LRRC58: variants seen among roughly 807,000 people sequenced by gnomAD.
The protein encoded by LRRC58 is leucine-rich repeat-containing protein 58.
A neutral mutation model predicts 30.6 loss-of-function variants in LRRC58; 18 were observed. The observed-to-expected ratio is 0.59, with a 90% CI of 0.41 to 0.87. LRRC58 has a LOEUF of 0.87. Ranked by LOEUF, LRRC58 falls within the 40% of genes least tolerant of loss-of-function variation. The pLI, the probability that LRRC58 is intolerant of heterozygous loss-of-function variation, is 0.00. For missense variants in LRRC58, 420 were observed against 468.4 expected, an observed-to-expected ratio of 0.90 and a Z score of 0.95; for synonymous variants, 221 against 206.0, an observed-to-expected ratio of 1.07 and a Z score of -0.62.
chr3:120,345,125 AAG>A (rs1935952490), intron 1 of LRRC58, among the ~76,000 whole-genome samples: 1 of 151,750 alleles, frequency 6.6e-6, no homozygotes, highest in Admixed American at 6.6e-5. Flanking sequence ...TAAAAAAAAA[AAG>A]ATTTTGCCAC....
chr3:120,342,733 T>G (rs148873365), intron 1 of LRRC58, among the ~76,000 whole-genome samples: 131 of 152,330 alleles, frequency 8.6e-4, no homozygotes, highest in Middle Eastern at 6.8e-3. Context: ...GGACAAGAAC[T>G]TGGGCAAAAG....
rs750615000 is a variant in LRRC58, at chr3:120,348,737, C to T, written c.500+7G>A. The T allele has an allele frequency of 1.3e-6, 2 of 1,566,490 alleles. No individual in the cohort carries two copies. The highest frequency in any genetic ancestry group is 8.7e-7 in the Non-Finnish European group (1 of 1,155,124). ...GCCTCCCCACCCTCCGGCACACACCCGCTCACCTCTGCAAGTTCTCGATCT... is the reference window on the plus strand; with the variant it reads ...GCCTCCCCACCCTCCGGCACACACCTGCTCACCTCTGCAAGTTCTCGATCT... On this transcript the variant is annotated splice_region_variant and intron_variant, in intron 1 of 3. Transcript: ENST00000295628.
At chr3:120,345,768 G>A (rs9822759) in intron 1 of LRRC58, among the ~76,000 whole-genome samples, 18,005 of 152,146 alleles carry the variant, frequency 0.12, 1,153 homozygotes, top group African/African-American at 0.16. Flanking sequence ...TAGCAGTAAC[G>A]AGAAATAAGG....
intron 3 of LRRC58, among the ~76,000 whole-genome samples, chr3:120,331,880 G>A (rs1935762499): frequency 6.6e-6 from 1 of 152,150 alleles, no homozygotes; most frequent in South Asian, 2.1e-4. Context: ...CTTATGTACT[G>A]GGAAGGCAAA....
rs1379397120 is a variant in LRRC58 at position 120,330,623 on chromosome 3, C to T, written c.*577G>A. The T allele has an allele frequency of 6.6e-6, 1 of 152,260 alleles. No homozygotes were observed. The highest frequency in any genetic ancestry group is 2.4e-5 in the African/African-American group (1 of 41,410). The allele number at this position is 152,260 out of a possible 1,614,324, so 9.4% of individuals were successfully genotyped here. A position where few individuals can be genotyped will look rare whatever the true frequency, so the allele number is the denominator to read the frequency against. On this transcript the variant is annotated 3_prime_UTR_variant, in exon 4 of 4. Coordinates refer to ENST00000295628, the MANE Select transcript of LRRC58 (RefSeq NM_001099678.2). ...TGTAAATGTTATATGCCTTACTTTA[C>T]CAGTTAGTTTGTCAGAAAGGTTTGT... is the stretch of plus-strand genomic sequence containing the variant.
intron 1 of LRRC58, among the ~76,000 whole-genome samples, chr3:120,339,006 T>C (rs1024247402): frequency 6.6e-6 from 1 of 152,204 alleles, no homozygotes; most frequent in African/African-American, 2.4e-5. Flanking sequence ...ATCCCTTTAC[T>C]TATAACTTAT....
chr3:120,324,727 T>A lies in LRRC58; in HGVS notation c.*6473A>T, dbSNP rs1268929810. 1.3e-5 allele frequency: 2 copies of A among 152,096 alleles called. No individual in the cohort carries two copies. Among genetic ancestry groups the A allele is most frequent in the African/African-American group, 4.8e-5 (2 of 41,416 alleles). The allele number at this position is 152,096 out of a possible 1,614,324, so 9.4% of individuals were successfully genotyped here. On this transcript the variant is annotated 3_prime_UTR_variant, in exon 4 of 4. Transcript: ENST00000295628. ...GGGGAAGAAGGTGGTAGAATTGAAGTAGCCCATATATTCTTTTAAGAGCAT... is the reference window on the plus strand; with the variant it reads ...GGGGAAGAAGGTGGTAGAATTGAAGAAGCCCATATATTCTTTTAAGAGCAT...
chr3:120,334,754 GA>G, intron 3 of LRRC58, 107 bp downstream of exon 3: 2 of 1,067,334 alleles, frequency 1.9e-6, no homozygotes, highest in Non-Finnish European at 2.6e-6. Flanking sequence ...ATAAATGAGT[GA>G]AAAAATAAAG....
Position 120,335,895 on chromosome 3 carries a change from T to C in LRRC58, c.559A>G (p.Asn187Asp). The C allele has an allele frequency of 1.2e-6, 2 of 1,600,422 alleles. No homozygotes were observed. The highest frequency in any genetic ancestry group is 2.2e-5 in the East Asian group (1 of 44,728). ...ACCAAATAATTCAGAGAAGGCAGAT[T>C]TCCTAATTCTGGTGGGATTTCTTTA... Reference protein sequence around the residue: ...FIKEIPPELGNLPSLNYLVLC... With the variant: ...FIKEIPPELGDLPSLNYLVLC... The change falls in exon 2 of 4, where the codon AAT (asparagine) becomes GAT (aspartate). Residue 187 changes from asparagine to aspartate, a missense_variant. Coordinates refer to ENST00000295628, the MANE Select transcript of LRRC58 (RefSeq NM_001099678.2).
At position 120,330,908 on chromosome 3, in the gene LRRC58, T is replaced by C; in HGVS notation, c.*292A>G. 1 of 392,558 alleles carries C rather than the reference T, an allele frequency of 2.5e-6. No homozygotes were observed. 24.3% of individuals were successfully genotyped at this position (392,558 alleles called of 1,614,324 possible). A position where few individuals can be genotyped will look rare whatever the true frequency, so the allele number is the denominator to read the frequency against. On this transcript the variant is annotated 3_prime_UTR_variant, in exon 4 of 4. Transcript: ENST00000295628. ...CTCATGACTTATTGCAGAACTGCTC[T>C]TCAAAAGGTACCATTCTGCTTTGTG... is the stretch of plus-strand genomic sequence containing the variant.
rs953878515 is a variant in LRRC58, at chr3:120,344,988, C to T, written c.500+3756G>A. 3.2e-4 allele frequency among the ~76,000 whole-genome samples: 48 copies of T among 152,192 alleles called. 2 individuals carry two copies. The highest frequency in any genetic ancestry group is 3.4e-3 in the Middle Eastern group (1 of 294). On this transcript the variant is annotated intron_variant, in intron 1 of 3. Transcript: ENST00000295628. ...ACATTTTGATGGAAAGTAACTACATCCACAACCGCATGGTTCACATTGATA... is the reference window on the plus strand; with the variant it reads ...ACATTTTGATGGAAAGTAACTACATTCACAACCGCATGGTTCACATTGATA...
intron 2 of LRRC58, among the ~76,000 whole-genome samples, chr3:120,335,454 A>C (rs1935821122): frequency 6.6e-6 from 1 of 152,218 alleles, no homozygotes; most frequent in African/African-American, 2.4e-5. Context: ...CAGATATCTA[A>C]AAAAAGGAAA....
chr3:120,338,922 G>A (rs1285600996), intron 1 of LRRC58, among the ~76,000 whole-genome samples: 2 of 152,216 alleles, frequency 1.3e-5, no homozygotes, highest in Non-Finnish European at 2.9e-5. Flanking sequence ...GGAATAGAAG[G>A]AGGAAAAGCA....
intron 1 of LRRC58, 110 bp from the exon 2 acceptor site, chr3:120,336,063 C>T (rs1467329099): frequency 3.8e-6 from 3 of 792,020 alleles, no homozygotes; most frequent in Non-Finnish European, 5.9e-6. Flanking sequence ...AAATGTTTTA[C>T]TTAAGATTTG....
At chr3:120,346,006 A>T (rs1018353744) in intron 1 of LRRC58, among the ~76,000 whole-genome samples, 9 of 152,228 alleles carry the variant, frequency 5.9e-5, no homozygotes, top group African/African-American at 2.2e-4. Flanking sequence ...TAATCCCAAC[A>T]CTTTGGGAGG....
intron 1 of LRRC58, among the ~76,000 whole-genome samples, chr3:120,344,144 G>T (rs1025493559): frequency 2.2e-4 from 33 of 152,058 alleles, no homozygotes; most frequent in Non-Finnish European, 1.5e-4. Context: ...AAAGGAGATG[G>T]AATTAAAGTA....
intron 1 of LRRC58, among the ~76,000 whole-genome samples, chr3:120,347,567 A>G (rs1377517242): frequency 6.7e-6 from 1 of 148,326 alleles, no homozygotes; most frequent in African/African-American, 2.5e-5. Context: ...AATTTTTTGT[A>G]TTTTTAGTAG....
At chr3:120,334,604 G>C (rs2107622562) in intron 3 of LRRC58, among the ~76,000 whole-genome samples, 1 of 152,194 alleles carries the variant, frequency 6.6e-6, no homozygotes, top group South Asian at 2.1e-4. Context: ...ACTTCCTTGT[G>C]TTTCCTCTCA....
chr3:120,343,298 C>T (rs1044910966), intron 1 of LRRC58, among the ~76,000 whole-genome samples: 2 of 152,096 alleles, frequency 1.3e-5, no homozygotes, highest in African/African-American at 4.8e-5. Flanking sequence ...TGACATCTTT[C>T]GATGATTTGT....
Sources: gnomAD v4.1 joint callset for allele counts (sites outside exome capture counted in the v4.1 genomes callset) on GRCh38, gnomAD v4.1.1 for gene constraint, MANE v1.5 for transcripts, NCBI Gene and HGNC (gene_info 2026-07-23, HGNC 2026-07-21) for gene names.